Variants in UMAD1 observed in about 807,000 individuals in gnomAD.
The protein encoded by UMAD1 is UBAP1-MVB12-associated (UMA)-domain containing protein 1.
In UMAD1, 8 loss-of-function variants were observed where a neutral mutation model predicts 6.1. The ratio of observed to expected loss-of-function variants is 1.30; its 90% CI spans 0.76 to 2.35. The LOEUF (loss-of-function observed/expected upper bound fraction) is 2.35. Ranked by LOEUF, UMAD1 falls within the 30% of genes most tolerant of loss-of-function variation. The pLI is 0.00. For missense variants in UMAD1, 130 were observed against 78.4 expected, an observed-to-expected ratio of 1.66 and a Z score of -2.49; for synonymous variants, 56 against 31.4, an observed-to-expected ratio of 1.78 and a Z score of -2.61.
chr7:7,834,083 C>T (rs888779733), intron 3 of UMAD1, among the ~76,000 whole-genome samples: 3 of 138,922 alleles, frequency 2.2e-5, no homozygotes, highest in Non-Finnish European at 3.0e-5. Flanking sequence ...AGTGCAATGG[C>T]GTGATCTCAG....
At chr7:7,843,893 AC>A (rs1783734779) in intron 3 of UMAD1, among the ~76,000 whole-genome samples, 1 of 151,912 alleles carries the variant, frequency 6.6e-6, no homozygotes, top group Non-Finnish European at 1.5e-5. Context: ...CTAACAGGGA[AC>A]CCCCACACCC....
At chr7:7,678,777 ATATATT>A (rs1321372233) in intron 2 of UMAD1, among the ~76,000 whole-genome samples, 92 of 9,630 alleles carry the variant, frequency 9.6e-3, no homozygotes, top group East Asian at 0.02. Context: ...TAGTTTATAA[ATATATT>A]TATATATTTA....
intron 2 of UMAD1, among the ~76,000 whole-genome samples, chr7:7,753,950 G>A (rs1440201011): frequency 6.6e-6 from 1 of 152,078 alleles, no homozygotes; most frequent in Admixed American, 6.5e-5. Context: ...TTGGGAGGCC[G>A]AGACGGGTGG....
intron 2 of UMAD1, among the ~76,000 whole-genome samples, chr7:7,729,326 G>A (rs977615673): frequency 6.6e-6 from 1 of 152,182 alleles, no homozygotes; most frequent in Non-Finnish European, 1.5e-5. Context: ...TAAGAGCCAT[G>A]GAAGCCAATG....
chr7:7,721,910 A>G (rs757515183), intron 2 of UMAD1, among the ~76,000 whole-genome samples: 6 of 152,110 alleles, frequency 3.9e-5, no homozygotes, highest in Non-Finnish European at 8.8e-5. Context: ...GATGGGCACT[A>G]TCTAATCAGC....
intron 2 of UMAD1, among the ~76,000 whole-genome samples, chr7:7,778,271 T>TGAGAGA (rs1400468435): frequency 1.8e-5 from 2 of 111,466 alleles, no homozygotes; most frequent in African/African-American, 7.4e-5. Flanking sequence ...TGTGTGTGTG[T>TGAGAGA]GTGTGAGAGA....
At position 7,850,885 on chromosome 7, in the gene UMAD1, A is replaced by G. The variant is rs531578243; in HGVS notation, c.157-26396A>G. On this transcript the variant is annotated intron_variant, in intron 3 of 3. Transcript: ENST00000682710. ...ATATACATTTCTTTTAAGTTCATCT[A>G]AATATTATAGATGGGTTGCAATAAA... Among the ~76,000 whole-genome samples the G allele has an allele frequency of 4.8e-4, 73 of 152,276 alleles. No homozygotes were observed. The South Asian group carries it at 9.9e-3, about 21-fold the overall frequency.
chr7:7,649,846 C>T (rs757788535), intron 1 of UMAD1, among the ~76,000 whole-genome samples: 1 of 152,062 alleles, frequency 6.6e-6, no homozygotes, highest in Non-Finnish European at 1.5e-5. Flanking sequence ...TGGATTCATG[C>T]CCTTATAAAA....
chr7:7,730,304 G>A (rs1310471656), intron 2 of UMAD1, among the ~76,000 whole-genome samples: 1 of 151,952 alleles, frequency 6.6e-6, no homozygotes, highest in Non-Finnish European at 1.5e-5. Context: ...GATGTAATTG[G>A]CCTGAAGAAC....
At chr7:7,783,849 A>G (rs944954680) in intron 2 of UMAD1, among the ~76,000 whole-genome samples, 3 of 151,572 alleles carry the variant, frequency 2.0e-5, no homozygotes, top group African/African-American at 7.3e-5. Flanking sequence ...AGTATACTGT[A>G]CTTCTGGTTA....
chr7:7,742,541 CCTT>C (rs1781492830), intron 2 of UMAD1: 1 of 522,156 alleles, frequency 1.9e-6, no homozygotes, highest in Non-Finnish European at 3.8e-6. Context: ...GCAGGAGCTT[CCTT>C]CTTCGCTTTC....
chr7:7,767,284 C>G (rs946892696), intron 2 of UMAD1, among the ~76,000 whole-genome samples: 1 of 152,068 alleles, frequency 6.6e-6, no homozygotes, highest in Non-Finnish European at 1.5e-5. Flanking sequence ...TGCCACCACA[C>G]CCGGCTAATT....
intron 1 of UMAD1, among the ~76,000 whole-genome samples, chr7:7,671,180 C>G (rs1779596489): frequency 6.6e-6 from 1 of 152,206 alleles, no homozygotes; most frequent in Non-Finnish European, 1.5e-5. Flanking sequence ...TTGTTGGTTT[C>G]TTATCTACTT....
chr7:7,771,663 T>C (rs1384579359), intron 2 of UMAD1, among the ~76,000 whole-genome samples: 1 of 152,218 alleles, frequency 6.6e-6, no homozygotes, highest in Non-Finnish European at 1.5e-5. Flanking sequence ...TATTCTTATG[T>C]TTCTACAAAC....
At chr7:7,697,538 A>G (rs958209629) in intron 2 of UMAD1, among the ~76,000 whole-genome samples, 31 of 152,318 alleles carry the variant, frequency 2.0e-4, no homozygotes, top group African/African-American at 6.7e-4. Context: ...GTCCTGCTCA[A>G]AATTTTCCAA....
At chr7:7,766,625 A>C (rs933727683) in intron 2 of UMAD1, among the ~76,000 whole-genome samples, 1 of 152,106 alleles carries the variant, frequency 6.6e-6, no homozygotes, top group Admixed American at 6.5e-5. Flanking sequence ...AAAGTGTTTA[A>C]TTTTTTTCCT....
chr7:7,686,902 C>A (rs1424581157), intron 2 of UMAD1, among the ~76,000 whole-genome samples: 1 of 152,200 alleles, frequency 6.6e-6, no homozygotes, highest in Non-Finnish European at 1.5e-5. Flanking sequence ...CCTGCCCCCA[C>A]TTCCCTTATC....
chr7:7,778,527 A>G (rs1210091335), intron 2 of UMAD1, among the ~76,000 whole-genome samples: 1 of 151,560 alleles, frequency 6.6e-6, no homozygotes, highest in Non-Finnish European at 1.5e-5. Flanking sequence ...GTGATCATCC[A>G]ATCTTAGCCT....
intron 3 of UMAD1, among the ~76,000 whole-genome samples, chr7:7,835,605 G>T (rs150758602): frequency 1.3e-5 from 2 of 150,132 alleles, no homozygotes; most frequent in Admixed American, 1.3e-4. Flanking sequence ...AATTCTAATA[G>T]TAGTAAGTGC....
Sources: allele counts gnomAD v4.1 joint callset (sites outside exome capture counted in the v4.1 genomes callset), GRCh38; gene constraint gnomAD v4.1.1; transcripts MANE v1.5; gene names NCBI Gene and HGNC (gene_info 2026-07-23, HGNC 2026-07-21).